RAB11FIP1: variants seen among roughly 807,000 people sequenced by gnomAD.
RAB11FIP1 encodes the protein RAB11 family interacting protein 1.
A neutral mutation model predicts 83.1 loss-of-function variants in RAB11FIP1; 49 were observed. That is an observed-to-expected ratio of 0.59 (90% confidence interval 0.47 to 0.75). The LOEUF is 0.75. Ranked by LOEUF, RAB11FIP1 falls within the 30% of genes least tolerant of loss-of-function variation. The probability of loss-of-function intolerance (pLI) is 0.00; values close to 1 mark genes in which losing one functional copy is unlikely to be tolerated. For synonymous variants in RAB11FIP1, 670 were observed against 656.0 expected, an observed-to-expected ratio of 1.02 and a Z score of -0.33; for missense variants, 1,536 against 1,598.7, an observed-to-expected ratio of 0.96 and a Z score of 0.67.
At chr8:37,874,393 C>T (rs1806553598) in intron 3 of RAB11FIP1, 122 bp downstream of exon 3, 1 of 784,210 alleles carries the variant, frequency 1.3e-6, no homozygotes, top group Non-Finnish European at 2.1e-6. Context: ...TTTAGACCAG[C>T]AAACCTTTGG....
At position 37,866,334 on chromosome 8, in the gene RAB11FIP1, C is replaced by CA. The variant is rs112800499; in HGVS notation, c.3634-3222dup. ...TGGGCAACAGTGCGAGACCCCATCT[C>CA]AAAAAAAAAAAAAAATTATAAATAA... On this transcript the variant is annotated intron_variant, in intron 5 of 5. Transcript: ENST00000330843. 3.5e-3 allele frequency among the ~76,000 whole-genome samples: 423 copies of CA among 119,296 alleles called. 1 individual carries two copies. The highest frequency in any genetic ancestry group is 5.9e-3 in the South Asian group (23 of 3,900). 78.3% of individuals were successfully genotyped at this position (119,296 alleles called of 152,430 possible). A position where few individuals can be genotyped will look rare whatever the true frequency, so the allele number is the denominator to read the frequency against.
In RAB11FIP1 at chr8:37,861,452, A is replaced by G. The variant is rs891789031; in HGVS notation, c.*1443T>C. The G allele has an allele frequency of 2.6e-6, 1 of 379,722 alleles. No homozygotes were observed. Among genetic ancestry groups the G allele is most frequent in the Non-Finnish European group, 5.1e-6 (1 of 197,292 alleles). 23.5% of individuals were successfully genotyped at this position (379,722 alleles called of 1,614,324 possible). ...TTTGGGTTTCCTTTTGGGCAGGGAG[A>G]GAAAGTGTTCAAAGGACAGACATGC... On this transcript the variant is annotated 3_prime_UTR_variant, in exon 6 of 6. Coordinates refer to ENST00000330843, the MANE Select transcript of RAB11FIP1 (RefSeq NM_001002814.3).
At position 37,899,050 on chromosome 8, in the gene RAB11FIP1, C is replaced by T; in HGVS notation, c.371+21G>A. The stretch of plus-strand genomic sequence containing the variant: ...GGTCCGCGCCCCCAGGCCGGGCCCT[C>T]CCCTCCCCGCCCGCACTCACTGCGT... On this transcript the variant is annotated intron_variant, in intron 1 of 5. Coordinates refer to ENST00000330843, the MANE Select transcript of RAB11FIP1 (RefSeq NM_001002814.3). This position sits in a 1 kb window ranked among gnomAD's most constrained non-coding sequence, Gnocchi z 4.5. The T allele has an allele frequency of 6.9e-7, 1 of 1,454,576 alleles. No homozygotes were observed. Among genetic ancestry groups the T allele is most frequent in the South Asian group, 1.4e-5 (1 of 72,462 alleles). 90.1% of individuals were successfully genotyped at this position (1,454,576 alleles called of 1,614,324 possible).
chr8:37,881,593 T>C (rs1219152825), intron 1 of RAB11FIP1, among the ~76,000 whole-genome samples: 1 of 152,302 alleles, frequency 6.6e-6, no homozygotes, highest in East Asian at 1.9e-4. Flanking sequence ...TTATATGAGC[T>C]ATAATTTTGG....
chr8:37,875,724 G>C (rs1806593757), intron 2 of RAB11FIP1, among the ~76,000 whole-genome samples: 1 of 151,986 alleles, frequency 6.6e-6, no homozygotes, highest in African/African-American at 2.4e-5. Context: ...TCCCACGAGG[G>C]TTGAGCACAT....
chr8:37,868,102 A>G (rs1396490774), intron 5 of RAB11FIP1, among the ~76,000 whole-genome samples: 1 of 152,128 alleles, frequency 6.6e-6, no homozygotes, highest in Non-Finnish European at 1.5e-5. Flanking sequence ...AGCCTAGGCA[A>G]TAGAGCAAGA....
chr8:37,862,971 AG>A lies in RAB11FIP1; in HGVS notation c.3775del (p.Val1260SerfsTer79). The A allele has an allele frequency of 6.2e-7, 1 of 1,614,000 alleles. No individual in the cohort carries two copies. Among genetic ancestry groups the A allele is most frequent in the Non-Finnish European group, 8.5e-7 (1 of 1,180,010 alleles). On this transcript the variant is annotated frameshift_variant, in exon 6 of 6. Transcript: ENST00000330843. LOFTEE classifies it high-confidence loss of function. Reference sequence around the variant, plus strand: ...GGGGGTTTCTTCCATGACCCTGACAAGCAGGTTGTCAATGTAGTCTTCCAGC... The same window carrying A: ...GGGGGTTTCTTCCATGACCCTGACAACAGGTTGTCAATGTAGTCTTCCAGC... Reference protein sequence around the residue: ...RELEDYIDNLLVRVMEETPNI... With the variant: ...RELEDYIDNLXVRVMEETPNI...
chr8:37,877,173 G>T lies in RAB11FIP1; in HGVS notation c.750C>A (p.Pro250=), dbSNP rs768646859. 7 of 1,614,016 alleles carry T rather than the reference G, an allele frequency of 4.3e-6. No homozygotes were observed. In the African/African-American group the frequency reaches 9.3e-5, roughly 22 times the overall value. The stretch of plus-strand genomic sequence containing the variant: ...CATCCCACTGGGACTGAAAGTCTCC[G>T]GGACGAAGCAGCACTTTTTCTGGCT... The part of the protein sequence containing the change: ...TSKPEKVLLR[P]GDFQSQWDED... Residue 250 remains proline, a synonymous_variant, in exon 2 of 6, where the codon CCC becomes CCA. Coordinates refer to ENST00000330843, the MANE Select transcript of RAB11FIP1 (RefSeq NM_001002814.3).
rs571525650 is a variant in RAB11FIP1 at position 37,877,848 on chromosome 8, T to C, written c.372-297A>G. The C allele has an allele frequency of 3.6e-4, 92 of 253,486 alleles. 3 individuals carry two copies. In the South Asian group the frequency reaches 6.0e-3, roughly 17 times the overall value. The allele number at this position is 253,486 out of a possible 1,614,324, so 15.7% of individuals were successfully genotyped here. Reference sequence around the variant, plus strand: ...GATTCTCCTGCCTCAGCCTCCTGAGTAGCTGAGATTACAGGAGCGCGTGAC... The same window carrying C: ...GATTCTCCTGCCTCAGCCTCCTGAGCAGCTGAGATTACAGGAGCGCGTGAC... On this transcript the variant is annotated intron_variant, in intron 1 of 5. Transcript: ENST00000330843.
chr8:37,882,706 T>C (rs1043053742), intron 1 of RAB11FIP1, among the ~76,000 whole-genome samples: 8 of 152,242 alleles, frequency 5.3e-5, no homozygotes, highest in Admixed American at 6.5e-5. Context: ...ACACTCTCTT[T>C]TGGGGTCTGG....
chr8:37,870,003 C>G (rs962632034), intron 5 of RAB11FIP1, among the ~76,000 whole-genome samples: 7 of 152,050 alleles, frequency 4.6e-5, no homozygotes, highest in Non-Finnish European at 1.0e-4. Context: ...AATACCTGAC[C>G]TGAATGGGCC....
chr8:37,872,303 A>G lies in RAB11FIP1; in HGVS notation c.2499T>C (p.Ser833=). 6.2e-7 allele frequency: 1 copy of G among 1,614,048 alleles called. No homozygotes were observed. The highest frequency in any genetic ancestry group is 8.5e-7 in the Non-Finnish European group (1 of 1,179,942). ...ATGCAGGGTTCAGCTCCTGGGGACA[A>G]CTGCTGTGTCCTTCCACCAGCAAGG... ...GAALLVEGHS[S]CPQELNPAWS... The change falls in exon 4 of 6, where the codon AGT becomes AGC. Residue 833 remains serine (S), a synonymous_variant. Transcript: ENST00000330843.
intron 5 of RAB11FIP1, among the ~76,000 whole-genome samples, chr8:37,865,062 C>T (rs1363516480): frequency 6.6e-6 from 1 of 152,018 alleles, no homozygotes; most frequent in Non-Finnish European, 1.5e-5. Flanking sequence ...AGCCACCACA[C>T]CCAGCCTTAC....
chr8:37,865,273 T>C (rs1457579322), intron 5 of RAB11FIP1, among the ~76,000 whole-genome samples: 2 of 151,774 alleles, frequency 1.3e-5, no homozygotes, highest in African/African-American at 4.8e-5. Context: ...TATAATTAAT[T>C]CCAACACCTA....
At chr8:37,879,465 A>G (rs866308448) in intron 1 of RAB11FIP1, among the ~76,000 whole-genome samples, 1 of 152,196 alleles carries the variant, frequency 6.6e-6, no homozygotes, top group Non-Finnish European at 1.5e-5. Context: ...GAGAATGAGG[A>G]GTTAATGTTT....
intron 1 of RAB11FIP1, among the ~76,000 whole-genome samples, chr8:37,891,090 C>A (rs1238775136): frequency 6.6e-6 from 1 of 152,182 alleles, no homozygotes; most frequent in African/African-American, 2.4e-5. Flanking sequence ...GGCTTGGTCT[C>A]CTCCTGAGCC....
Position 37,899,059 on chromosome 8 carries a change from G to T in RAB11FIP1, c.371+12C>A, listed in dbSNP as rs960478433. 3 of 1,473,316 alleles carry T rather than the reference G, an allele frequency of 2.0e-6. No homozygotes were observed. Among genetic ancestry groups the T allele is most frequent in the African/African-American group, 2.9e-5 (2 of 68,018 alleles). The allele number at this position is 1,473,316 out of a possible 1,614,324, so 91.3% of individuals were successfully genotyped here. ...CCCCAGGCCGGGCCCTCCCCTCCCC[G>T]CCCGCACTCACTGCGTCTTCCTGCG... On this transcript the variant is annotated intron_variant, in intron 1 of 5. Coordinates refer to ENST00000330843, the MANE Select transcript of RAB11FIP1 (RefSeq NM_001002814.3). This position sits in a 1 kb window ranked among gnomAD's most constrained non-coding sequence, Gnocchi z 4.5.
At chr8:37,884,438 G>C (rs533776682) in intron 1 of RAB11FIP1, among the ~76,000 whole-genome samples, 1 of 152,142 alleles carries the variant, frequency 6.6e-6, no homozygotes, top group Non-Finnish European at 1.5e-5. Flanking sequence ...GTCCAGGCTG[G>C]AGTACAGTGC....
intron 5 of RAB11FIP1, among the ~76,000 whole-genome samples, chr8:37,869,132 GTGAGAGGATTGATTGGGCC>G (rs1806397763): frequency 6.6e-6 from 1 of 151,242 alleles, no homozygotes; most frequent in African/African-American, 2.4e-5. Flanking sequence ...GGAGGCTGAG[GTGAGAGGATTGATTGGGCC>G]CAGGAGGTCG....
Sources: allele counts gnomAD v4.1 joint callset (sites outside exome capture counted in the v4.1 genomes callset), GRCh38; gene constraint gnomAD v4.1.1; non-coding constraint Gnocchi (gnomAD v3.1); transcripts MANE v1.5; gene names NCBI Gene and HGNC (gene_info 2026-07-23, HGNC 2026-07-21).